IQCF3: variants seen among roughly 807,000 people sequenced by gnomAD.
IQCF3 encodes IQ motif containing F3.
Under a neutral mutation model 5.1 loss-of-function variants are expected in IQCF3, and 7 were observed. The observed-to-expected ratio is 1.36, with a 90% CI of 0.78 to 2.56. The LOEUF (loss-of-function observed/expected upper bound fraction) is 2.56. Ranked by LOEUF, IQCF3 falls within the 30% of genes most tolerant of loss-of-function variation. The probability of loss-of-function intolerance (pLI) is 0.00; values close to 1 mark genes in which losing one functional copy is unlikely to be tolerated. For missense variants in IQCF3, 189 were observed against 196.5 expected (o/e 0.96, Z 0.23); for synonymous variants, 82 against 72.8 (o/e 1.13, Z -0.64).
chr3:51,829,913 G>GCT, intron 2 of IQCF3: 1 of 598,816 alleles, frequency 1.7e-6, no homozygotes, highest in Non-Finnish European at 3.0e-6. Context: ...CTGATAGGTG[G>GCT]GGCTCAGCAC....
rs1698360999 is a variant in IQCF3, at chr3:51,830,855, G to T, written c.*54G>T. The T allele has an allele frequency of 2.1e-5, 31 of 1,492,594 alleles. No individual in the cohort carries two copies. The South Asian group carries it at 3.9e-4, about 19-fold the overall frequency. The allele number at this position is 1,492,594 out of a possible 1,614,324, so 92.5% of individuals were successfully genotyped here. ...ACTACCCTAATAAATGTCTGACCAG[G>T]TTGTGTGAGTCTCAGTGATTCCCCT... On this transcript the variant is annotated 3_prime_UTR_variant, in exon 3 of 3. Transcript: ENST00000440739. The surrounding 1 kb of genome is among the most constrained non-coding windows in gnomAD (Gnocchi z 4.1).
rs969241340 is a variant in IQCF3 at position 51,830,105 on chromosome 3, T to G, written c.67-298T>G. ...AAATGCAGAGGTTCATGGATTCTTATAAGAATCCTTCAGTTCCTCACACCC... is the reference window on the plus strand; with the variant it reads ...AAATGCAGAGGTTCATGGATTCTTAGAAGAATCCTTCAGTTCCTCACACCC... On this transcript the variant is annotated intron_variant, in intron 2 of 2. Coordinates refer to ENST00000440739, the MANE Select transcript of IQCF3 (RefSeq NM_001393887.1). This position sits in a 1 kb window ranked among gnomAD's most constrained non-coding sequence, Gnocchi z 4.1. Among the ~76,000 whole-genome samples, 1 of 152,200 alleles carries G rather than the reference T, an allele frequency of 6.6e-6. No individual in the cohort carries two copies. Among genetic ancestry groups the G allele is most frequent in the Non-Finnish European group, 1.5e-5 (1 of 68,042 alleles).
intron 2 of IQCF3, chr3:51,829,918 C>T (rs954835876): frequency 3.4e-6 from 2 of 589,328 alleles, no homozygotes; most frequent in South Asian, 2.0e-5. Context: ...AGGTGGGGCT[C>T]AGCACAGGAA....
chr3:51,829,708 A>C lies in IQCF3; in HGVS notation c.62A>C (p.Gln21Pro), dbSNP rs750747295. Residue 21 changes from glutamine (Q) to proline (P), a missense_variant, in exon 2 of 3, where the codon CAG becomes CCG. By Grantham distance (76) the Gln-to-Pro change is moderately conservative (BLOSUM62 -1). Transcript: ENST00000440739. ...GATGCAGTAGAAAGACAGAGGCGGC[A>C]GAAGGTAGGTGGGGCCCAGGAGGGT... ...DEDAVERQRR[Q>P]KLLLAQLHHR... is the part of the protein sequence containing the mutation. 4.8e-5 allele frequency: 77 copies of C among 1,613,656 alleles called. No homozygotes were observed. Among genetic ancestry groups the C allele is most frequent in the Non-Finnish European group, 6.4e-5 (76 of 1,179,814 alleles).
In IQCF3 at chr3:51,830,615, G is replaced by T. The variant is rs373079065; in HGVS notation, c.279G>T (p.Thr93=). ...LRVYVIQEQA[T]VKLQSCIRMW... ...TCTACGTCATCCAGGAGCAGGCGAC[G>T]GTCAAGCTCCAGTCCTGCATCCGCA... is the stretch of plus-strand genomic sequence containing the variant. The change falls in exon 3 of 3, where the codon ACG becomes ACT. Residue 93 remains threonine, a synonymous_variant. Coordinates refer to ENST00000440739, the MANE Select transcript of IQCF3 (RefSeq NM_001393887.1). The surrounding 1 kb of genome is among the most constrained non-coding windows in gnomAD (Gnocchi z 4.1). The T allele has an allele frequency of 6.8e-6, 11 of 1,613,822 alleles. No individual in the cohort carries two copies. The highest frequency in any genetic ancestry group is 5.0e-5 in the Admixed American group (3 of 60,002).
upstream of IQCF3, chr3:51,828,453 C>T (rs2107192845): frequency 6.6e-6 from 1 of 152,298 alleles, no homozygotes; most frequent in Middle Eastern, 3.4e-3. Context: ...GTCTGTAATT[C>T]TGTTTATGTG....
chr3:51,830,069 ACACAGGC>A lies in IQCF3; in HGVS notation c.67-331_67-325del, dbSNP rs1420329272. ...CATCATGGCTGGAGTTTGGACCAAG[ACACAGGC>A]CATAAATGCAGAGGTTCATGGATTC... On this transcript the variant is annotated intron_variant, in intron 2 of 2. Coordinates refer to ENST00000440739, the MANE Select transcript of IQCF3 (RefSeq NM_001393887.1). The surrounding 1 kb of genome is among the most constrained non-coding windows in gnomAD (Gnocchi z 4.1). Among the ~76,000 whole-genome samples the A allele has an allele frequency of 6.6e-6, 1 of 152,172 alleles. No homozygotes were observed. Among genetic ancestry groups the A allele is most frequent in the Non-Finnish European group, 1.5e-5 (1 of 68,024 alleles).
At chr3:51,827,931 A>G (rs6802583), upstream of IQCF3, among the ~76,000 whole-genome samples, 21,894 of 151,928 alleles carry the variant, frequency 0.14, 4,248 homozygotes, top group African/African-American at 0.44. Context: ...TCCTGTTCCT[A>G]TGTTGGTTTA....
In IQCF3 at chr3:51,830,086, A is replaced by AGAGGTTCATG. The variant is rs1479977873; in HGVS notation, c.67-314_67-305dup. ...GGACCAAGACACAGGCCATAAATGCAGAGGTTCATGGATTCTTATAAGAAT... is the reference window on the plus strand; with the variant it reads ...GGACCAAGACACAGGCCATAAATGCAGAGGTTCATGGAGGTTCATGGATTCTTATAAGAAT... On this transcript the variant is annotated intron_variant, in intron 2 of 2. Transcript: ENST00000440739. This position sits in a 1 kb window ranked among gnomAD's most constrained non-coding sequence, Gnocchi z 4.1. 2.6e-4 allele frequency among the ~76,000 whole-genome samples: 40 copies of AGAGGTTCATG among 152,220 alleles called. No individual in the cohort carries two copies. The highest frequency in any genetic ancestry group is 2.6e-3 in the Admixed American group (40 of 15,286).
upstream of IQCF3, chr3:51,828,119 A>T (rs572949397): frequency 6.6e-6 from 1 of 151,604 alleles, no homozygotes; most frequent in Non-Finnish European, 1.5e-5. Context: ...TGTTTGTGGG[A>T]TGTGACCTAT....
At chr3:51,828,517 A>G (rs1424542164), upstream of IQCF3, 1 of 152,188 alleles carries the variant, frequency 6.6e-6, no homozygotes, top group Non-Finnish European at 1.5e-5. Flanking sequence ...CATTCCAGGG[A>G]TGAAGCCTAC....
In IQCF3 at chr3:51,829,462, C is replaced by T; in HGVS notation, c.-14C>T. On this transcript the variant is annotated 5_prime_UTR_variant, in exon 1 of 3. Transcript: ENST00000440739. ...ACCAGAGGGAGATGATCACCTGAACCACTGCTCCAAACCATGGGCAGTAAA... is the reference window on the plus strand; with the variant it reads ...ACCAGAGGGAGATGATCACCTGAACTACTGCTCCAAACCATGGGCAGTAAA... 1 of 1,596,048 alleles carries T rather than the reference C, an allele frequency of 6.3e-7. No individual in the cohort carries two copies. The highest frequency in any genetic ancestry group is 8.5e-7 in the Non-Finnish European group (1 of 1,171,350).
upstream of IQCF3, chr3:51,827,403 T>C (rs1031509441): frequency 6.6e-6 from 1 of 152,138 alleles, no homozygotes; most frequent in African/African-American, 2.4e-5. Context: ...AGGTAAATCA[T>C]AGGAGAAATA....
At chr3:51,828,082 T>C, upstream of IQCF3, 1 of 152,280 alleles carries the variant, frequency 6.6e-6, no homozygotes, top group Non-Finnish European at 1.5e-5. Context: ...CCGACTAATA[T>C]AATGTCTTTT....
At position 51,829,722 on chromosome 3, in the gene IQCF3, G is replaced by A. The variant is rs935216224; in HGVS notation, c.66+10G>A. The A allele has an allele frequency of 8.7e-6, 14 of 1,612,962 alleles. No individual in the cohort carries two copies. The highest frequency in any genetic ancestry group is 1.3e-5 in the African/African-American group (1 of 74,898). On this transcript the variant is annotated intron_variant, in intron 2 of 2. Transcript: ENST00000440739. ...ACAGAGGCGGCAGAAGGTAGGTGGG[G>A]CCCAGGAGGGTGAGAGAATTGCAGA...
chr3:51,829,732 G>T lies in IQCF3; in HGVS notation c.66+20G>T. The T allele has an allele frequency of 1.2e-6, 2 of 1,611,548 alleles. No homozygotes were observed. Among genetic ancestry groups the T allele is most frequent in the Non-Finnish European group, 1.7e-6 (2 of 1,178,352 alleles). On this transcript the variant is annotated intron_variant, in intron 2 of 2. Coordinates refer to ENST00000440739, the MANE Select transcript of IQCF3 (RefSeq NM_001393887.1). ...CAGAAGGTAGGTGGGGCCCAGGAGGGTGAGAGAATTGCAGATCATTGACTC... is the reference window on the plus strand; with the variant it reads ...CAGAAGGTAGGTGGGGCCCAGGAGGTTGAGAGAATTGCAGATCATTGACTC...
chr3:51,828,485 TG>T (rs1698320039), upstream of IQCF3: 1 of 152,264 alleles, frequency 6.6e-6, no homozygotes, highest in Non-Finnish European at 1.5e-5. Context: ...TTTATTGATT[TG>T]CATATGTTGA....
chr3:51,826,913 G>A (rs559005426), upstream of IQCF3: 11 of 152,520 alleles, frequency 7.2e-5, no homozygotes, highest in Non-Finnish European at 1.5e-5. Context: ...AACTGTGCCT[G>A]CAACACGTGG....
Position 51,830,301 on chromosome 3 carries a change from C to A in IQCF3, c.67-102C>A, listed in dbSNP as rs1698348066. Reference sequence around the variant, plus strand: ...TAGAGGACAAACCCCACCCAGGTCTCCTGGGTCCTCAAAACCAGCAGGGAG... The same window carrying A: ...TAGAGGACAAACCCCACCCAGGTCTACTGGGTCCTCAAAACCAGCAGGGAG... On this transcript the variant is annotated intron_variant, in intron 2 of 2. Transcript: ENST00000440739. This position sits in a 1 kb window ranked among gnomAD's most constrained non-coding sequence, Gnocchi z 4.1. The A allele has an allele frequency of 7.2e-7, 1 of 1,385,078 alleles. No individual in the cohort carries two copies. The highest frequency in any genetic ancestry group is 1.4e-5 in the African/African-American group (1 of 69,106). The allele number at this position is 1,385,078 out of a possible 1,614,324, so 85.8% of individuals were successfully genotyped here.
Sources: gnomAD v4.1 joint callset for allele counts (sites outside exome capture counted in the v4.1 genomes callset) on GRCh38, gnomAD v4.1.1 for gene constraint, Gnocchi (gnomAD v3.1) non-coding constraint, MANE v1.5 for transcripts, NCBI Gene and HGNC (gene_info 2026-07-23, HGNC 2026-07-21) for gene names.